Variants in PKN2 observed in about 807,000 individuals in gnomAD.
The protein encoded by PKN2 is serine/threonine-protein kinase N2.
PKN2 carries 38 observed loss-of-function variants against 119.1 expected under a neutral mutation model. The observed-to-expected ratio is 0.32, with a 90% CI of 0.25 to 0.42. The LOEUF (loss-of-function observed/expected upper bound fraction) is 0.42, where lower values mean the gene tolerates loss of function less well. PKN2 is among the 10% of genes least tolerant of loss of function. The pLI, the probability that PKN2 is intolerant of heterozygous loss-of-function variation, is 1.00. For synonymous variants in PKN2, 390 were observed against 384.9 expected (o/e 1.01, Z -0.15); for missense variants, 850 against 1,165.1 (o/e 0.73, Z 3.94).
intron 2 of PKN2, among the ~76,000 whole-genome samples, chr1:88,758,424 A>G (rs1669304653): frequency 6.6e-6 from 1 of 151,970 alleles, no homozygotes; most frequent in African/African-American, 2.4e-5. Flanking sequence ...AAGATTTGTT[A>G]TATAAGTAAA....
chr1:88,762,129 G>A (rs1669472217), intron 3 of PKN2, among the ~76,000 whole-genome samples: 1 of 152,120 alleles, frequency 6.6e-6, no homozygotes, highest in African/African-American at 2.4e-5. Flanking sequence ...AGGGCTGTAG[G>A]TTACACCTTA....
At chr1:88,791,293 G>A (rs915491089) in intron 8 of PKN2, among the ~76,000 whole-genome samples, 1 of 151,976 alleles carries the variant, frequency 6.6e-6, no homozygotes, top group Non-Finnish European at 1.5e-5. Context: ...AAAGTTAGCC[G>A]GGCATGGTGG....
chr1:88,737,177 A>T (rs1301922898), intron 1 of PKN2, among the ~76,000 whole-genome samples: 1 of 152,204 alleles, frequency 6.6e-6, no homozygotes, highest in Non-Finnish European at 1.5e-5. Context: ...CAGCACAGGG[A>T]TATGCCCAAG....
At chr1:88,691,937 A>G (rs893410565) in intron 1 of PKN2, among the ~76,000 whole-genome samples, 1 of 151,968 alleles carries the variant, frequency 6.6e-6, no homozygotes, top group Non-Finnish European at 1.5e-5. Flanking sequence ...ATTAAACTTT[A>G]GCATAAGTAT....
At chr1:88,728,434 C>T (rs1389686209) in intron 1 of PKN2, among the ~76,000 whole-genome samples, 6 of 152,030 alleles carry the variant, frequency 3.9e-5, no homozygotes, top group African/African-American at 1.5e-4. Context: ...TCATTCTTTG[C>T]TGTTATCAAA....
intron 1 of PKN2, chr1:88,685,088 C>T (rs1666033432): frequency 6.4e-6 from 1 of 156,524 alleles, no homozygotes; most frequent in Non-Finnish European, 1.4e-5. Context: ...CCCTCCCCCT[C>T]CCCTCAGACT....
intron 3 of PKN2, among the ~76,000 whole-genome samples, chr1:88,768,024 A>C (rs1192536578): frequency 1.7e-4 from 23 of 133,382 alleles, no homozygotes; most frequent in African/African-American, 8.1e-4. Flanking sequence ...TAGTGATTAA[A>C]AATAGAGATG....
At chr1:88,698,941 A>G (rs1292915529) in intron 1 of PKN2, among the ~76,000 whole-genome samples, 2 of 152,136 alleles carry the variant, frequency 1.3e-5, no homozygotes, top group Admixed American at 1.3e-4. Context: ...GAGCCATAGC[A>G]TCTATTAACT....
At chr1:88,700,880 C>G (rs902910756) in intron 1 of PKN2, among the ~76,000 whole-genome samples, 2 of 152,144 alleles carry the variant, frequency 1.3e-5, no homozygotes, top group Non-Finnish European at 2.9e-5. Context: ...TGAAAATCTT[C>G]CAATTTTAAT....
intron 16 of PKN2, among the ~76,000 whole-genome samples, chr1:88,819,206 A>G (rs773508421): frequency 3.3e-5 from 5 of 152,248 alleles, no homozygotes; most frequent in Admixed American, 6.5e-5. Flanking sequence ...GCTTCTGCAC[A>G]GCAAAAGAAA....
intron 2 of PKN2, among the ~76,000 whole-genome samples, chr1:88,758,612 A>G (rs1039132950): frequency 1.3e-5 from 2 of 152,096 alleles, no homozygotes; most frequent in Admixed American, 6.5e-5. Flanking sequence ...GCTCCCACTT[A>G]TAAGAAAGAA....
At chr1:88,727,328 A>T (rs1557569584) in intron 1 of PKN2, among the ~76,000 whole-genome samples, 1 of 151,252 alleles carries the variant, frequency 6.6e-6, no homozygotes, top group African/African-American at 2.4e-5. Flanking sequence ...TTTAGGTAAC[A>T]TATGGGTTTT....
intron 11 of PKN2, 35 bp downstream of exon 11, chr1:88,805,706 A>G: frequency 6.2e-7 from 1 of 1,609,644 alleles, no homozygotes; most frequent in Non-Finnish European, 8.5e-7. Context: ...CTCTTATACA[A>G]AGTTATTGGG....
chr1:88,742,442 A>G (rs1442293494), intron 2 of PKN2, among the ~76,000 whole-genome samples: 1 of 152,106 alleles, frequency 6.6e-6, no homozygotes, highest in African/African-American at 2.4e-5. Flanking sequence ...AGAGATTTCA[A>G]CCTTGTAAGA....
chr1:88,802,245 A>G (rs1218538122), intron 8 of PKN2, among the ~76,000 whole-genome samples: 2 of 152,202 alleles, frequency 1.3e-5, no homozygotes, highest in African/African-American at 4.8e-5. Context: ...AATGTAGAGT[A>G]TAGAATTCTA....
chr1:88,720,500 G>T (rs1479269112), intron 1 of PKN2, among the ~76,000 whole-genome samples: 1 of 152,002 alleles, frequency 6.6e-6, no homozygotes, highest in Non-Finnish European at 1.5e-5. Context: ...TTTCCAAAAT[G>T]CTCCTAGGAG....
At chr1:88,790,843 CTT>C (rs1486962821) in intron 8 of PKN2, among the ~76,000 whole-genome samples, 1 of 151,844 alleles carries the variant, frequency 6.6e-6, no homozygotes, top group African/African-American at 2.4e-5. Context: ...TGGTTTCTGT[CTT>C]TTTGTTCTAC....
rs2100943974 is a variant in PKN2 at position 88,834,588 on chromosome 1, A to G, written c.*1140A>G. 1 of 152,618 alleles carries G rather than the reference A, an allele frequency of 6.6e-6. No homozygotes were observed. Among genetic ancestry groups the G allele is most frequent in the South Asian group, 2.1e-4 (1 of 4,822 alleles). 9.5% of individuals were successfully genotyped at this position (152,618 alleles called of 1,614,324 possible). ...TTTTATATTGGCAGTTATTGAGGGC[A>G]AAAGCAATATATTGTAACAGAATGT... On this transcript the variant is annotated 3_prime_UTR_variant, in exon 22 of 22. Transcript: ENST00000370521.
intron 1 of PKN2, among the ~76,000 whole-genome samples, chr1:88,720,344 T>G (rs766005259): frequency 7.9e-5 from 12 of 152,154 alleles, no homozygotes; most frequent in Non-Finnish European, 1.5e-4. Context: ...ATTGTTCTGA[T>G]ATACTCGTAG....
Sources: allele counts gnomAD v4.1 joint callset (sites outside exome capture counted in the v4.1 genomes callset), GRCh38; gene constraint gnomAD v4.1.1; transcripts MANE v1.5; gene names NCBI Gene and HGNC (gene_info 2026-07-23, HGNC 2026-07-21).